Variants in ELAVL4 observed in about 807,000 individuals in gnomAD.
The protein encoded by ELAVL4 is ELAV like RNA binding protein 4.
A neutral mutation model predicts 35.6 loss-of-function variants in ELAVL4; 1 was observed. The observed-to-expected ratio is 0.03, with a 90% CI of 0.01 to 0.13. The LOEUF is 0.13. Ranked by LOEUF, ELAVL4 falls within the 10% of genes least tolerant of loss-of-function variation. ELAVL4 has a pLI of 1.00. For synonymous variants in ELAVL4, 156 were observed against 171.0 expected, an observed-to-expected ratio of 0.91 and a Z score of 0.69; for missense variants, 267 against 464.9, an observed-to-expected ratio of 0.57 and a Z score of 3.91.
chr1:50,165,957 G>A lies in ELAVL4; in HGVS notation c.251-11132G>A, dbSNP rs1677831606. Among the ~76,000 whole-genome samples the A allele has an allele frequency of 3.9e-5, 6 of 152,144 alleles. No individual in the cohort carries two copies. In the South Asian group the frequency reaches 1.0e-3, roughly 26 times the overall value. On this transcript the variant is annotated intron_variant, in intron 2 of 6. Coordinates refer to ENST00000371824, the MANE Select transcript of ELAVL4 (RefSeq NM_001144774.3). ...GAGTTCCCAAACAGAAGAACTTGGA[G>A]TCCGATGTTCAAGGGCAGGAAGCAT...
chr1:50,152,021 C>T (rs1674880800), intron 2 of ELAVL4, among the ~76,000 whole-genome samples: 1 of 152,074 alleles, frequency 6.6e-6, no homozygotes, highest in Non-Finnish European at 1.5e-5. Context: ...CAGGGGGAAT[C>T]AGAGACTTTC....
intron 1 of ELAVL4, among the ~76,000 whole-genome samples, chr1:50,070,462 G>C (rs1256798401): frequency 6.6e-6 from 1 of 152,198 alleles, no homozygotes; most frequent in Non-Finnish European, 1.5e-5. Flanking sequence ...TGCCACCGTG[G>C]CTGGGCGCAG....
chr1:50,070,603 A>T (rs1383500501), intron 1 of ELAVL4, among the ~76,000 whole-genome samples: 2 of 152,074 alleles, frequency 1.3e-5, no homozygotes, highest in Non-Finnish European at 2.9e-5. Context: ...TTAGCTGGGC[A>T]TGGTGACAGG....
intron 1 of ELAVL4, among the ~76,000 whole-genome samples, chr1:50,070,414 G>A (rs115940700): frequency 0.017 from 2,513 of 152,226 alleles, 81 homozygotes; most frequent in African/African-American, 0.057. Context: ...TAACTACCCT[G>A]TGCTTTCATT....
At chr1:50,162,956 C>T (rs923648457) in intron 2 of ELAVL4, among the ~76,000 whole-genome samples, 1 of 152,172 alleles carries the variant, frequency 6.6e-6, no homozygotes, top group Admixed American at 6.5e-5. Context: ...TAAATGCTTC[C>T]TGAATCTCTG....
chr1:50,109,642 G>C (rs926195713), intron 1 of ELAVL4: 7 of 438,440 alleles, frequency 1.6e-5, no homozygotes, highest in African/African-American at 1.4e-4. Flanking sequence ...TCGAGAGGCA[G>C]CTCCTGGATA....
At chr1:50,101,164 T>C (rs1363359712), upstream of ELAVL4, among the ~76,000 whole-genome samples, 2 of 152,160 alleles carry the variant, frequency 1.3e-5, no homozygotes, top group Non-Finnish European at 2.9e-5. Context: ...TGTTAATGAG[T>C]GGGACTATTG....
At chr1:50,117,454 A>G (rs1668152744) in intron 1 of ELAVL4, among the ~76,000 whole-genome samples, 1 of 152,102 alleles carries the variant, frequency 6.6e-6, no homozygotes, top group African/African-American at 2.4e-5. Context: ...TCTTTGTCTT[A>G]AGAAACTGGC....
chr1:50,199,542 C>T (rs939803005), intron 6 of ELAVL4, among the ~76,000 whole-genome samples: 1 of 152,078 alleles, frequency 6.6e-6, no homozygotes, highest in South Asian at 2.1e-4. Flanking sequence ...CCCGTCTCTA[C>T]TAAAAATACA....
At chr1:50,156,764 C>T (rs945946512) in intron 2 of ELAVL4, among the ~76,000 whole-genome samples, 3 of 152,166 alleles carry the variant, frequency 2.0e-5, no homozygotes, top group Non-Finnish European at 4.4e-5. Context: ...CGGCTGCATA[C>T]CCATGTCTGT....
intron 3 of ELAVL4, among the ~76,000 whole-genome samples, chr1:50,177,901 A>G (rs1187402563): frequency 6.6e-6 from 1 of 152,222 alleles, no homozygotes; most frequent in East Asian, 1.9e-4. Flanking sequence ...TTTTAAGTCA[A>G]AAAAGAAAAA....
intron 1 of ELAVL4, among the ~76,000 whole-genome samples, chr1:50,075,295 AG>A (rs1664710313): frequency 6.6e-6 from 1 of 152,238 alleles, no homozygotes; most frequent in African/African-American, 2.4e-5. Context: ...GGTTTTAAGC[AG>A]GGGAGCAGCA....
chr1:50,090,400 G>A (rs1466467802), intron 1 of ELAVL4, among the ~76,000 whole-genome samples: 1 of 152,118 alleles, frequency 6.6e-6, no homozygotes, highest in Non-Finnish European at 1.5e-5. Flanking sequence ...TGTGCCACTA[G>A]GCTTCTAAGG....
At chr1:50,152,418 A>G (rs1475344143) in intron 2 of ELAVL4, among the ~76,000 whole-genome samples, 1 of 151,908 alleles carries the variant, frequency 6.6e-6, no homozygotes, top group Non-Finnish European at 1.5e-5. Flanking sequence ...CCCAACACAC[A>G]CACACACACA....
chr1:50,109,016 C>CGGGGGGGGGGGCG lies in ELAVL4; in HGVS notation c.-174_-173insGGGGGGGGGGGCG. Reference sequence around the variant, plus strand: ...CTCCTTTTCTTTTTTTTCTTTCTCTCCCCCGCCCACCCCCCCAAAAATAAT... The same window carrying CGGGGGGGGGGGCG: ...CTCCTTTTCTTTTTTTTCTTTCTCTCGGGGGGGGGGGCGCCCCGCCCACCCCCCCAAAAATAAT... On this transcript the variant is annotated 5_prime_UTR_variant, in exon 1 of 7. Transcript: ENST00000371824. 1.1e-6 allele frequency: 1 copy of CGGGGGGGGGGGCG among 905,610 alleles called. No homozygotes were observed. The highest frequency in any genetic ancestry group is 1.3e-6 in the Non-Finnish European group (1 of 761,240). 56.1% of individuals were successfully genotyped at this position (905,610 alleles called of 1,614,324 possible).
chr1:50,086,577 G>T (rs1355022165), intron 1 of ELAVL4, among the ~76,000 whole-genome samples: 2 of 151,554 alleles, frequency 1.3e-5, no homozygotes, highest in Non-Finnish European at 2.9e-5. Flanking sequence ...TGCTTTTTAT[G>T]GCTTAAGAGA....
chr1:50,168,331 C>G (rs1012938035), intron 2 of ELAVL4, among the ~76,000 whole-genome samples: 1 of 152,122 alleles, frequency 6.6e-6, no homozygotes. Context: ...GTTTCAGGGT[C>G]CCATTTTTTC....
chr1:50,064,541 A>C (rs1017868295), intron 1 of ELAVL4, among the ~76,000 whole-genome samples: 3 of 152,154 alleles, frequency 2.0e-5, no homozygotes, highest in African/African-American at 7.2e-5. Context: ...CTCTCAGATG[A>C]ATCTTTTTTG....
chr1:50,096,979 G>A (rs1053846783), intron 1 of ELAVL4, among the ~76,000 whole-genome samples: 2 of 152,196 alleles, frequency 1.3e-5, no homozygotes, highest in African/African-American at 4.8e-5. Context: ...ACTTTGAGAG[G>A]CCAAGGCAGG....
Sources: gnomAD v4.1 joint callset for allele counts (sites outside exome capture counted in the v4.1 genomes callset) on GRCh38, gnomAD v4.1.1 for gene constraint, MANE v1.5 for transcripts, NCBI Gene and HGNC (gene_info 2026-07-23, HGNC 2026-07-21) for gene names.